CHAMP1: variants seen among roughly 807,000 people sequenced by gnomAD.
CHAMP1 encodes chromosome alignment-maintaining phosphoprotein 1.
In CHAMP1, 4 loss-of-function variants were observed where a neutral mutation model predicts 54.5. The observed-to-expected ratio is 0.07, with a 90% CI of 0.04 to 0.17. The LOEUF (loss-of-function observed/expected upper bound fraction) is 0.17, where lower values mean the gene tolerates loss of function less well. CHAMP1 is among the 10% of genes least tolerant of loss of function. The probability of loss-of-function intolerance (pLI) is 1.00; values close to 1 mark genes in which losing one functional copy is unlikely to be tolerated. For synonymous variants in CHAMP1, 368 were observed against 342.2 expected (o/e 1.08, Z -0.83); for missense variants, 994 against 968.6 (o/e 1.03, Z -0.35).
At position 114,325,152 on chromosome 13, in the gene CHAMP1, C is replaced by T. The variant is rs2087228813; in HGVS notation, c.1310C>T (p.Pro437Leu). 1.2e-6 allele frequency: 2 copies of T among 1,614,162 alleles called. No individual in the cohort carries two copies. Among genetic ancestry groups the T allele is most frequent in the African/African-American group, 1.3e-5 (1 of 75,028 alleles). ...GAGATCCGTAGTCCAGCAGGATCTC[C>T]AGAGCTCAGAAAACCCTCAGGGTCA... The part of the protein sequence containing the change: ...SPEIRSPAGS[P>L]ELRKPSGSPD... Residue 437 changes from proline to leucine, a missense_variant, in exon 3 of 3, where the codon CCA becomes CTA. Pro to Leu is a moderately conservative substitution (Grantham distance 98, BLOSUM62 -3). Around this residue, in one of 3 missense-constraint regions of CHAMP1, gnomAD observed 851 missense variants for 701.3 expected, o/e 1.21. Transcript: ENST00000361283.
rs1555379554 is a variant in CHAMP1, at chr13:114,324,654, C to A, written c.812C>A (p.Ala271Asp). ...PAASPESRKS[A>D]RTTSPEPRKP... The stretch of plus-strand genomic sequence containing the variant: ...GCATCTCCAGAATCTCGGAAGTCAG[C>A]CCGGACTACCTCCCCTGAGCCAAGG... Residue 271 changes from alanine to aspartate, a missense_variant, in exon 3 of 3, where the codon GCC becomes GAC. By Grantham distance (126) the Ala-to-Asp change is moderately radical. Transcript: ENST00000361283. 9 of 1,614,084 alleles carry A rather than the reference C, an allele frequency of 5.6e-6. No individual in the cohort carries two copies. The highest frequency in any genetic ancestry group is 1.7e-5 in the Admixed American group (1 of 60,020).
rs1594864715 is a variant in CHAMP1, at chr13:114,315,168, G to T, written c.-179+525G>T. ...AGAGACAAATGGCCAATAAGCACGT[G>T]CAGTGATGCTCAACATCACTAACCA... On this transcript the variant is annotated intron_variant, in intron 1 of 2. Transcript: ENST00000361283. 4.6e-5 allele frequency among the ~76,000 whole-genome samples: 7 copies of T among 152,292 alleles called. 1 individual carries two copies. Among genetic ancestry groups the T allele is most frequent in the Admixed American group, 4.6e-4 (7 of 15,306 alleles).
intron 1 of CHAMP1, among the ~76,000 whole-genome samples, chr13:114,315,182 C>T (rs1344590257): frequency 6.6e-6 from 1 of 152,148 alleles, no homozygotes; most frequent in African/African-American, 2.4e-5. Flanking sequence ...TGATGCTCAA[C>T]ATCACTAACC....
Position 114,325,820 on chromosome 13 carries a change from G to T in CHAMP1, c.1978G>T (p.Val660Leu), listed in dbSNP as rs782781084. ...AAGCAGTGATCAAGAGCAGGTTGAT[G>T]TGGAATCCATTGATTTTAGCAAAGA... The part of the protein sequence containing the change: ...ESSSDQEQVD[V>L]ESIDFSKENK... The change falls in exon 3 of 3, where the codon GTG (valine) becomes TTG (leucine). Residue 660 changes from valine to leucine, a missense_variant. Val to Leu is a conservative substitution (Grantham distance 32). Around this residue, in one of 3 missense-constraint regions of CHAMP1, gnomAD observed 851 missense variants for 701.3 expected, o/e 1.21. Coordinates refer to ENST00000361283, the MANE Select transcript of CHAMP1 (RefSeq NM_032436.4). The T allele has an allele frequency of 3.1e-6, 5 of 1,614,192 alleles. No individual in the cohort carries two copies. The highest frequency in any genetic ancestry group is 4.2e-6 in the Non-Finnish European group (5 of 1,180,034).
Position 114,325,446 on chromosome 13 carries a change from C to T in CHAMP1, c.1604C>T (p.Ala535Val). Residue 535 changes from alanine (A) to valine (V), a missense_variant, in exon 3 of 3, where the codon GCC becomes GTC. By Grantham distance (64) the Ala-to-Val change is moderately conservative. Coordinates refer to ENST00000361283, the MANE Select transcript of CHAMP1 (RefSeq NM_032436.4). Reference sequence around the variant, plus strand: ...AAACCTGCCCTGTTTCCCGAGCCTGCCAAAACAGCCCCTCCTGCTTCTCCA... The same window carrying T: ...AAACCTGCCCTGTTTCCCGAGCCTGTCAAAACAGCCCCTCCTGCTTCTCCA... ...PRKPALFPEPAKTAPPASPEA... is the reference protein window; with the variant it reads ...PRKPALFPEPVKTAPPASPEA... 1 of 1,614,112 alleles carries T rather than the reference C, an allele frequency of 6.2e-7. No individual in the cohort carries two copies. The highest frequency in any genetic ancestry group is 8.5e-7 in the Non-Finnish European group (1 of 1,180,024).
rs1490070176 is a variant in CHAMP1 at position 114,324,357 on chromosome 13, C to T, written c.515C>T (p.Pro172Leu). 1 of 1,614,008 alleles carries T rather than the reference C, an allele frequency of 6.2e-7. No homozygotes were observed. Among genetic ancestry groups the T allele is most frequent in the Admixed American group, 1.7e-5 (1 of 60,000 alleles). The change falls in exon 3 of 3, where the codon CCT (proline) becomes CTT (leucine). Residue 172 changes from proline to leucine, a missense_variant. This residue lies in a region of CHAMP1 where 851 missense variants were observed against 701.3 expected (regional missense o/e 1.21). Coordinates refer to ENST00000361283, the MANE Select transcript of CHAMP1 (RefSeq NM_032436.4). ...VVSPELQTPL[P>L]SPEPSKPASV... is the part of the protein sequence containing the mutation. ...TCTCCTGAGCTACAGACACCTCTTCCTTCTCCTGAGCCTTCAAAACCTGCC... is the reference window on the plus strand; with the variant it reads ...TCTCCTGAGCTACAGACACCTCTTCTTTCTCCTGAGCCTTCAAAACCTGCC...
intron 1 of CHAMP1, among the ~76,000 whole-genome samples, chr13:114,317,532 G>C (rs1206326235): frequency 6.6e-6 from 1 of 152,096 alleles, no homozygotes; most frequent in Non-Finnish European, 1.5e-5. Flanking sequence ...GCTGAGGCGG[G>C]GGGATCTCTG....
intron 1 of CHAMP1, among the ~76,000 whole-genome samples, chr13:114,319,021 C>T (rs1448891804): frequency 6.6e-6 from 1 of 151,914 alleles, no homozygotes; most frequent in East Asian, 1.9e-4. Flanking sequence ...TGTATTTATG[C>T]ACTTGATATG....
Position 114,325,124 on chromosome 13 carries a change from C to G in CHAMP1, c.1282C>G (p.Pro428Ala). The G allele has an allele frequency of 6.2e-7, 1 of 1,614,152 alleles. No individual in the cohort carries two copies. Among genetic ancestry groups the G allele is most frequent in the Non-Finnish European group, 8.5e-7 (1 of 1,180,026 alleles). The change falls in exon 3 of 3, where the codon CCA becomes GCA. Residue 428 changes from proline (P) to alanine (A), a missense_variant. Coordinates refer to ENST00000361283, the MANE Select transcript of CHAMP1 (RefSeq NM_032436.4). Reference protein sequence around the residue: ...ELRKPGPPLSPEIRSPAGSPE... With the variant: ...ELRKPGPPLSAEIRSPAGSPE... ...TCGCAAACCCGGCCCACCACTATCCCCAGAGATCCGTAGTCCAGCAGGATC... is the reference window on the plus strand; with the variant it reads ...TCGCAAACCCGGCCCACCACTATCCGCAGAGATCCGTAGTCCAGCAGGATC...
At chr13:114,323,611 C>T (rs548232869) in intron 2 of CHAMP1, 177 bp from the exon 3 acceptor site, 62 of 474,804 alleles carry the variant, frequency 1.3e-4, no homozygotes, top group Non-Finnish European at 2.1e-4. Context: ...TGTGAAACTC[C>T]TAGCAGAGTG....
rs1205830325 is a variant in CHAMP1, at chr13:114,314,634, G to C, written c.-188G>C. ...CCATCGCCCACTGGACGCCGCCCGCGGCCGGACCGGTGAGGAGCGAGAGCG... is the reference window on the plus strand; with the variant it reads ...CCATCGCCCACTGGACGCCGCCCGCCGCCGGACCGGTGAGGAGCGAGAGCG... On this transcript the variant is annotated 5_prime_UTR_variant, in exon 1 of 3. Coordinates refer to ENST00000361283, the MANE Select transcript of CHAMP1 (RefSeq NM_032436.4). 6.6e-6 allele frequency: 1 copy of C among 152,036 alleles called. No homozygotes were observed. The highest frequency in any genetic ancestry group is 1.9e-4 in the East Asian group (1 of 5,170). The allele number at this position is 152,036 out of a possible 1,614,324, so 9.4% of individuals were successfully genotyped here.
chr13:114,323,605 A>C, intron 2 of CHAMP1, 183 bp from the exon 3 acceptor site: 1 of 452,288 alleles, frequency 2.2e-6, no homozygotes, highest in Non-Finnish European at 3.8e-6. Flanking sequence ...GATGTATGTG[A>C]AACTCCTAGC....
intron 1 of CHAMP1, among the ~76,000 whole-genome samples, chr13:114,315,625 A>G (rs960915113): frequency 2.0e-5 from 3 of 152,184 alleles, no homozygotes; most frequent in Non-Finnish European, 4.4e-5. Flanking sequence ...GAAATAAGAC[A>G]CAAAAAAGAC....
rs1315138016 is a variant in CHAMP1 at position 114,326,468 on chromosome 13, C to A, written c.*187C>A. 5.2e-6 allele frequency: 3 copies of A among 579,302 alleles called. No homozygotes were observed. The highest frequency in any genetic ancestry group is 5.7e-6 in the Non-Finnish European group (2 of 348,252). 35.9% of individuals were successfully genotyped at this position (579,302 alleles called of 1,614,324 possible). A position where few individuals can be genotyped will look rare whatever the true frequency, so the allele number is the denominator to read the frequency against. On this transcript the variant is annotated 3_prime_UTR_variant, in exon 3 of 3. Coordinates refer to ENST00000361283, the MANE Select transcript of CHAMP1 (RefSeq NM_032436.4). ...TTCTGGTCTCTGTCTATGTGACTAT[C>A]TTGTAAGTCAATAAATTTCTGTATA...
At chr13:114,317,833 A>G (rs1334754114) in intron 1 of CHAMP1, among the ~76,000 whole-genome samples, 1 of 152,248 alleles carries the variant, frequency 6.6e-6, no homozygotes, top group African/African-American at 2.4e-5. Context: ...ACCATCTGGC[A>G]TAACATTGCA....
In CHAMP1 at chr13:114,325,002, C is replaced by T. The variant is rs782251855; in HGVS notation, c.1160C>T (p.Pro387Leu). 3.7e-6 allele frequency: 6 copies of T among 1,614,168 alleles called. No homozygotes were observed. In the South Asian group the frequency reaches 4.4e-5, roughly 12 times the overall value. Reference sequence around the variant, plus strand: ...TCCTGGAAGTCTCCCCCTGCATCTCCTGAGTCATGGAAGTCTGGCCCACCA... The same window carrying T: ...TCCTGGAAGTCTCCCCCTGCATCTCTTGAGTCATGGAAGTCTGGCCCACCA... ...PSSWKSPPAS[P>L]ESWKSGPPEL... is the part of the protein sequence containing the mutation. Residue 387 changes from proline (P) to leucine (L), a missense_variant, in exon 3 of 3, where the codon CCT becomes CTT. This residue lies in a region of CHAMP1 where 851 missense variants were observed against 701.3 expected (regional missense o/e 1.21). Transcript: ENST00000361283.
intron 2 of CHAMP1, chr13:114,322,609 T>A (rs1472883450): frequency 2.6e-5 from 4 of 152,198 alleles, no homozygotes; most frequent in Non-Finnish European, 5.9e-5. Context: ...GTAAAATGTA[T>A]CAATTTTACA....
At position 114,324,628 on chromosome 13, in the gene CHAMP1, T is replaced by G; in HGVS notation, c.786T>G (p.Ala262=). The stretch of plus-strand genomic sequence containing the variant: ...CAGAACCTTGGGGACCATCCCCAGC[T>G]GCATCTCCAGAATCTCGGAAGTCAG... ...ASPEPWGPSP[A]ASPESRKSAR... Residue 262 remains alanine (A), a synonymous_variant, in exon 3 of 3, where the codon GCT becomes GCG. Coordinates refer to ENST00000361283, the MANE Select transcript of CHAMP1 (RefSeq NM_032436.4). 6.2e-7 allele frequency: 1 copy of G among 1,614,120 alleles called. No homozygotes were observed. The highest frequency in any genetic ancestry group is 8.5e-7 in the Non-Finnish European group (1 of 1,180,008).
chr13:114,320,931 G>A (rs1216636658), intron 1 of CHAMP1, among the ~76,000 whole-genome samples, 179 bp from the exon 2 acceptor site: 1 of 149,640 alleles, frequency 6.7e-6, no homozygotes, highest in South Asian at 2.1e-4. Context: ...ACTCCAGCCT[G>A]GGCGACAGAG....
Sources: allele counts gnomAD v4.1 joint callset (sites outside exome capture counted in the v4.1 genomes callset), GRCh38; gene constraint gnomAD v4.1.1; regional missense constraint gnomAD v4.1.1; transcripts MANE v1.5; gene names NCBI Gene and HGNC (gene_info 2026-07-23, HGNC 2026-07-21).